Variants in ABCC4 observed in about 807,000 individuals in gnomAD.
ABCC4 encodes the protein ATP binding cassette subfamily C member 4 (PEL blood group), also known as ATP-binding cassette sub-family C member 4.
In ABCC4, 102 loss-of-function variants were observed where a neutral mutation model predicts 168.5. That is an observed-to-expected ratio of 0.61 (90% CI 0.52 to 0.71). The LOEUF is 0.71. Ranked by LOEUF, ABCC4 falls within the 30% of genes least tolerant of loss-of-function variation. The pLI, the probability that ABCC4 is intolerant of heterozygous loss-of-function variation, is 0.00. For missense variants in ABCC4, 1,402 were observed against 1,605.8 expected (o/e 0.87, Z 2.17); for synonymous variants, 617 against 590.7 (o/e 1.04, Z -0.65).
chr13:95,178,801 T>C lies in ABCC4; in HGVS notation c.1546-710A>G, dbSNP rs192619055. ...GACATGATCTGATCAAGGCAATAATTGAGACAAGAAACAACAGTAGCCGGG... is the reference window on the plus strand; with the variant it reads ...GACATGATCTGATCAAGGCAATAATCGAGACAAGAAACAACAGTAGCCGGG... On this transcript the variant is annotated intron_variant, in intron 11 of 30. Transcript: ENST00000645237. Among the ~76,000 whole-genome samples, 500 of 152,052 alleles carry C rather than the reference T, an allele frequency of 3.3e-3. 2 individuals are homozygous for C. Among genetic ancestry groups the C allele is most frequent in the Middle Eastern group, 0.017 (5 of 292 alleles).
At chr13:95,080,218 T>C (rs1000943073) in intron 21 of ABCC4, among the ~76,000 whole-genome samples, 2 of 152,170 alleles carry the variant, frequency 1.3e-5, no homozygotes, top group African/African-American at 4.8e-5. Flanking sequence ...ACAATATCTT[T>C]ACAAACAGAA....
chr13:95,159,129 ATAT>A lies in ABCC4; in HGVS notation c.2455+2057_2455+2059del, dbSNP rs1566475392. On this transcript the variant is annotated intron_variant, in intron 19 of 30. Transcript: ENST00000645237. ...TATATATATATATATATATATATAT[ATAT>A]AACTATTGAAGTGCATACAATCAGT... 6.2e-5 allele frequency among the ~76,000 whole-genome samples: 8 copies of A among 129,510 alleles called. No individual in the cohort carries two copies. The East Asian group carries it at 9.3e-4, about 15-fold the overall frequency. 85.0% of individuals were successfully genotyped at this position (129,510 alleles called of 152,430 possible). A position where few individuals can be genotyped will look rare whatever the true frequency, so the allele number is the denominator to read the frequency against.
chr13:95,198,945 C>T (rs1426665055), intron 8 of ABCC4, among the ~76,000 whole-genome samples: 1 of 151,994 alleles, frequency 6.6e-6, no homozygotes, highest in Non-Finnish European at 1.5e-5. Flanking sequence ...ACATCACACA[C>T]CAGGGCCTGT....
At chr13:95,021,742 G>A in intron 30 of ABCC4, 60 bp from the exon 31 acceptor site, 1 of 1,158,044 alleles carries the variant, frequency 8.6e-7, no homozygotes, top group Non-Finnish European at 1.3e-6. Flanking sequence ...TCTCCTCCCT[G>A]AAACAATGCA....
intron 18 of ABCC4, 109 bp from the exon 19 acceptor site, chr13:95,161,444 T>C (rs763560752): frequency 2.4e-6 from 2 of 826,078 alleles, no homozygotes; most frequent in Non-Finnish European, 3.5e-6. Flanking sequence ...ATTTATTCCA[T>C]AAAGCATCTG....
intron 1 of ABCC4, among the ~76,000 whole-genome samples, chr13:95,295,657 C>T (rs763010833): frequency 1.3e-5 from 2 of 150,022 alleles, no homozygotes; most frequent in Non-Finnish European, 3.0e-5. Context: ...GACTCCGTCC[C>T]CCGCCCCTCA....
At chr13:95,072,415 C>A (rs564588968) in intron 24 of ABCC4, among the ~76,000 whole-genome samples, 3 of 152,188 alleles carry the variant, frequency 2.0e-5, no homozygotes, top group South Asian at 2.1e-4. Context: ...GAGCCAAGAT[C>A]GCACTATTGC....
intron 1 of ABCC4, among the ~76,000 whole-genome samples, chr13:95,295,693 G>C (rs1251545879): frequency 6.9e-6 from 1 of 145,002 alleles, no homozygotes; most frequent in South Asian, 2.2e-4. Flanking sequence ...GTCCAGGTGC[G>C]GTGGCTCATG....
chr13:95,033,703 C>A (rs1291131256), intron 30 of ABCC4, among the ~76,000 whole-genome samples: 1 of 150,272 alleles, frequency 6.7e-6, no homozygotes, highest in African/African-American at 2.5e-5. Context: ...GCTCTTACTG[C>A]CCAGGCTGGA....
At chr13:95,103,270 CA>C (rs367947542) in intron 20 of ABCC4, among the ~76,000 whole-genome samples, 4 of 152,002 alleles carry the variant, frequency 2.6e-5, no homozygotes, top group East Asian at 2.0e-4. Flanking sequence ...GTCTCAAAAA[CA>C]AAAAAACAGA....
At position 95,132,457 on chromosome 13, in the gene ABCC4, T is replaced by C. The variant is rs544812893; in HGVS notation, c.2456-16456A>G. Among the ~76,000 whole-genome samples, 5 of 152,194 alleles carry C rather than the reference T, an allele frequency of 3.3e-5. No individual in the cohort carries two copies. In the South Asian group the frequency reaches 1.0e-3, roughly 32 times the overall value. ...TCTCGAACTCCTGGCCTCAAGTTGA[T>C]CCACCCACCTCAGCCTCCCGAAATG... On this transcript the variant is annotated intron_variant, in intron 19 of 30. Transcript: ENST00000645237.
chr13:95,228,904 A>G (rs1876803252), intron 4 of ABCC4, among the ~76,000 whole-genome samples: 1 of 152,184 alleles, frequency 6.6e-6, no homozygotes, highest in Non-Finnish European at 1.5e-5. Context: ...TTTAAAGAAA[A>G]AAAAAGGAAA....
chr13:95,291,712 T>C (rs1207851640), intron 1 of ABCC4, among the ~76,000 whole-genome samples: 1 of 152,216 alleles, frequency 6.6e-6, no homozygotes, highest in African/African-American at 2.4e-5. Flanking sequence ...CAACTGCATG[T>C]ATCACTGATG....
At chr13:95,194,143 T>G (rs2038343213) in intron 9 of ABCC4, among the ~76,000 whole-genome samples, 1 of 152,214 alleles carries the variant, frequency 6.6e-6, no homozygotes, top group African/African-American at 2.4e-5. Context: ...GTACTTCTTG[T>G]GGGTGGCCCC....
chr13:95,172,914 G>C (rs1377063459), intron 13 of ABCC4, among the ~76,000 whole-genome samples: 1 of 152,084 alleles, frequency 6.6e-6, no homozygotes, highest in Non-Finnish European at 1.5e-5. Context: ...GCAAAACTCT[G>C]TCAAAAAAGG....
chr13:95,131,797 C>A (rs1323108313), intron 19 of ABCC4, among the ~76,000 whole-genome samples: 2 of 151,978 alleles, frequency 1.3e-5, no homozygotes, highest in African/African-American at 4.8e-5. Context: ...CCAGAAAATA[C>A]CAAGTGTTGG....
At chr13:95,038,077 A>T (rs1044421955) in intron 29 of ABCC4, among the ~76,000 whole-genome samples, 1 of 151,370 alleles carries the variant, frequency 6.6e-6, no homozygotes, top group Non-Finnish European at 1.5e-5. Flanking sequence ...CTGGTTTTAA[A>T]CTCCTGAGCT....
intron 15 of ABCC4, among the ~76,000 whole-genome samples, chr13:95,165,183 T>C (rs928171839): frequency 3.3e-5 from 5 of 152,120 alleles, no homozygotes; most frequent in African/African-American, 1.2e-4. Context: ...CAAAAAGATA[T>C]GGAACTCTCA....
chr13:95,174,911 T>G (rs908198355), intron 13 of ABCC4, among the ~76,000 whole-genome samples: 56 of 152,162 alleles, frequency 3.7e-4, no homozygotes, highest in East Asian at 1.9e-4. Context: ...GCCATCCACG[T>G]TTTTTTTGGT....
Sources: gnomAD v4.1 joint callset for allele counts (sites outside exome capture counted in the v4.1 genomes callset) on GRCh38, gnomAD v4.1.1 for gene constraint, MANE v1.5 for transcripts, NCBI Gene and HGNC (gene_info 2026-07-23, HGNC 2026-07-21) for gene names.